Variants in MDGA2 observed in about 807,000 individuals in gnomAD.
MDGA2 encodes the protein MAM domain containing glycosylphosphatidylinositol anchor 2.
Under a neutral mutation model 117.8 loss-of-function variants are expected in MDGA2, and 40 were observed. The observed-to-expected ratio is 0.34, with a 90% CI of 0.26 to 0.44. MDGA2 has a LOEUF of 0.44. Ranked by LOEUF, MDGA2 falls within the 20% of genes least tolerant of loss-of-function variation. The pLI, the probability that MDGA2 is intolerant of heterozygous loss-of-function variation, is 1.00. For missense variants in MDGA2, 1,123 were observed against 1,250.6 expected, an observed-to-expected ratio of 0.90 and a Z score of 1.54; for synonymous variants, 452 against 439.0, an observed-to-expected ratio of 1.03 and a Z score of -0.37.
rs187113285 is a variant in MDGA2 at position 47,378,331 on chromosome 14, G to A, written c.281-76781C>T. Among the ~76,000 whole-genome samples, 196 of 152,330 alleles carry A rather than the reference G, an allele frequency of 1.3e-3. 1 individual carries two copies. Among genetic ancestry groups the A allele is most frequent in the Non-Finnish European group, 2.0e-3 (139 of 68,030 alleles). ...CTTCTCCAAAGGAACGCAGCTCCTT[G>A]CCAGCAATGGAACAAAGCTGGACAG... On this transcript the variant is annotated intron_variant, in intron 1 of 16. Transcript: ENST00000399232.
At chr14:47,216,482 C>G (rs1886093439) in intron 3 of MDGA2, among the ~76,000 whole-genome samples, 2 of 151,944 alleles carry the variant, frequency 1.3e-5, no homozygotes, top group Non-Finnish European at 2.9e-5. Flanking sequence ...GAGTGTAAAG[C>G]TTTTTTCTAT....
At position 47,108,915 on chromosome 14, in the gene MDGA2, G is replaced by A. The variant is rs1053190958; in HGVS notation, c.926-11792C>T. Reference sequence around the variant, plus strand: ...AGTTGGGGTACTAATACCTAGCAGCGTGAAAGGTCTTTATAAACATTGACA... The same window carrying A: ...AGTTGGGGTACTAATACCTAGCAGCATGAAAGGTCTTTATAAACATTGACA... On this transcript the variant is annotated intron_variant, in intron 5 of 16. Coordinates refer to ENST00000399232, the MANE Select transcript of MDGA2 (RefSeq NM_001113498.3). 5.3e-5 allele frequency among the ~76,000 whole-genome samples: 8 copies of A among 152,186 alleles called. No homozygotes were observed. The South Asian group carries it at 8.3e-4, about 16-fold the overall frequency.
intron 15 of MDGA2, 88 bp from the exon 16 acceptor site, chr14:46,845,959 T>C: frequency 2.2e-6 from 2 of 910,644 alleles, no homozygotes; most frequent in South Asian, 2.9e-5. Context: ...AAAAATAAAC[T>C]TGTCAGTAAT....
intron 10 of MDGA2, among the ~76,000 whole-genome samples, chr14:46,909,078 C>A (rs1328422524): frequency 2.0e-5 from 3 of 152,146 alleles, no homozygotes; most frequent in Admixed American, 1.3e-4. Context: ...CTGCTTCCTA[C>A]TCTACCAAAC....
At chr14:47,179,185 A>G (rs1178760775) in intron 3 of MDGA2, among the ~76,000 whole-genome samples, 1 of 152,078 alleles carries the variant, frequency 6.6e-6, no homozygotes. Context: ...AACAAATAAT[A>G]ATAATTAAAT....
At chr14:47,147,303 CAG>C (rs1318405033) in intron 3 of MDGA2, among the ~76,000 whole-genome samples, 2 of 151,836 alleles carry the variant, frequency 1.3e-5, no homozygotes, top group Non-Finnish European at 2.9e-5. Context: ...TCTGAGAAAA[CAG>C]ATTCAGAGAT....
intron 3 of MDGA2, among the ~76,000 whole-genome samples, chr14:47,169,364 T>C (rs1412366050): frequency 4.0e-5 from 6 of 151,836 alleles, no homozygotes; most frequent in Admixed American, 2.6e-4. Flanking sequence ...ATGGCTTATA[T>C]GATGTTACCT....
intron 3 of MDGA2, among the ~76,000 whole-genome samples, chr14:47,176,563 T>C (rs1191076415): frequency 3.9e-5 from 6 of 152,220 alleles, no homozygotes; most frequent in Admixed American, 2.0e-4. Context: ...GGATTCCCTA[T>C]TTAATAAATG....
At chr14:47,469,423 C>T (rs1594872826) in intron 1 of MDGA2, among the ~76,000 whole-genome samples, 2 of 152,124 alleles carry the variant, frequency 1.3e-5, no homozygotes, top group African/African-American at 4.8e-5. Context: ...TTTGTCCTTG[C>T]AATAGTTTGC....
At chr14:47,665,822 G>GCCCCCA (rs1167179248) in intron 1 of MDGA2, among the ~76,000 whole-genome samples, 5 of 9,476 alleles carry the variant, frequency 5.3e-4, no homozygotes, top group South Asian at 8.1e-3. Flanking sequence ...CCTCCCCCCC[G>GCCCCCA]CCCCCGCCCC....
At chr14:47,421,190 T>A (rs1283722555) in intron 1 of MDGA2, among the ~76,000 whole-genome samples, 1 of 152,100 alleles carries the variant, frequency 6.6e-6, no homozygotes, top group African/African-American at 2.4e-5. Context: ...CACTCTGGGG[T>A]CTCTACTTAC....
chr14:47,173,556 A>G (rs1884283949), intron 3 of MDGA2, among the ~76,000 whole-genome samples: 1 of 152,194 alleles, frequency 6.6e-6, no homozygotes, highest in Non-Finnish European at 1.5e-5. Flanking sequence ...ACTAAGCTTC[A>G]TAAGTGAAGG....
intron 5 of MDGA2, among the ~76,000 whole-genome samples, chr14:47,111,279 T>A (rs947913035): frequency 6.6e-6 from 1 of 152,136 alleles, no homozygotes; most frequent in Non-Finnish European, 1.5e-5. Context: ...TGGCTTAAGA[T>A]GAATGTAAAA....
intron 1 of MDGA2, among the ~76,000 whole-genome samples, chr14:47,460,440 AT>A (rs1893458464): frequency 6.6e-6 from 1 of 152,134 alleles, no homozygotes; most frequent in Admixed American, 6.6e-5. Context: ...AATTTGGTGT[AT>A]TTTTGCCTTT....
chr14:46,968,707 T>A (rs1886135701), intron 8 of MDGA2, among the ~76,000 whole-genome samples: 1 of 150,952 alleles, frequency 6.6e-6, no homozygotes, highest in Admixed American at 6.6e-5. Context: ...TATGGTGGTG[T>A]GTGCCTGTAG....
chr14:47,571,206 A>G (rs1298170827), intron 1 of MDGA2, among the ~76,000 whole-genome samples: 1 of 152,250 alleles, frequency 6.6e-6, no homozygotes, highest in Non-Finnish European at 1.5e-5. Context: ...ACAATGAGAT[A>G]CCATCTCATG....
intron 1 of MDGA2, among the ~76,000 whole-genome samples, chr14:47,398,021 A>G (rs770611861): frequency 6.6e-6 from 1 of 152,130 alleles, no homozygotes; most frequent in Non-Finnish European, 1.5e-5. Flanking sequence ...TCGCTTTGAG[A>G]ATGGAACCAT....
intron 1 of MDGA2, among the ~76,000 whole-genome samples, chr14:47,612,350 T>G (rs1297425477): frequency 2.0e-5 from 3 of 152,122 alleles, no homozygotes; most frequent in Non-Finnish European, 4.4e-5. Flanking sequence ...TCATGTAATT[T>G]AGGAGGTTAC....
intron 8 of MDGA2, among the ~76,000 whole-genome samples, chr14:46,961,063 T>C (rs915090636): frequency 6.6e-6 from 1 of 152,010 alleles, no homozygotes; most frequent in Admixed American, 6.6e-5. Flanking sequence ...ATGGCCATTG[T>C]TGGTGTAAAG....
Sources: allele counts gnomAD v4.1 joint callset (sites outside exome capture counted in the v4.1 genomes callset), GRCh38; gene constraint gnomAD v4.1.1; transcripts MANE v1.5; gene names NCBI Gene and HGNC (gene_info 2026-07-23, HGNC 2026-07-21).